The following WDR82 variants were observed in gnomAD, a reference collection of about 807,000 sequenced individuals.
WDR82 encodes the protein WD repeat domain 82, also known as WD repeat-containing protein 82.
Under a neutral mutation model 36.1 loss-of-function variants are expected in WDR82, and 8 were observed. The observed-to-expected ratio is 0.22, with a 90% confidence interval of 0.13 to 0.40. WDR82 has a LOEUF of 0.40. Ranked by LOEUF, WDR82 falls within the 10% of genes least tolerant of loss-of-function variation. The pLI is 1.00. For missense variants in WDR82, 185 were observed against 400.5 expected (o/e 0.46, Z 4.59); for synonymous variants, 129 against 137.8 (o/e 0.94, Z 0.45).
intron 2 of WDR82, chr3:52,267,398 A>G: frequency 4.9e-6 from 1 of 204,222 alleles, no homozygotes; most frequent in South Asian, 7.0e-5. Flanking sequence ...CAAACCTTAA[A>G]GAAAAATATG....
chr3:52,270,656 A>ATGAACTATTT, intron 2 of WDR82, 56 bp downstream of exon 2: 1 of 1,356,314 alleles, frequency 7.4e-7, no homozygotes, highest in Non-Finnish European at 1.0e-6. Flanking sequence ...CAAAGATTCC[A>ATGAACTATTT]TGAACTATTT....
Position 52,258,537 on chromosome 3 carries a change from A to C in WDR82, c.911T>G (p.Met304Arg). 4 of 1,613,644 alleles carry C rather than the reference A, an allele frequency of 2.5e-6. No homozygotes were observed. The highest frequency in any genetic ancestry group is 3.4e-6 in the Non-Finnish European group (4 of 1,179,894). The change falls in exon 8 of 9, where the codon ATG becomes AGG. Residue 304 changes from methionine to arginine, a missense_variant and splice_region_variant. Transcript: ENST00000296490. The part of the protein sequence containing the change: ...FMTFASACSN[M>R]AFWLPTIDD ...AGATACCTCTTACTGTTCACATACC[A>C]TGTTGGAACACGCACTGGCAAAAGT...
At chr3:52,276,449 C>CA (rs964677841) in intron 1 of WDR82, among the ~76,000 whole-genome samples, 9 of 150,412 alleles carry the variant, frequency 6.0e-5, no homozygotes, top group Non-Finnish European at 1.0e-4. Flanking sequence ...AAAAAAAAAA[C>CA]AAAAAAAAGA....
At chr3:52,276,207 G>A (rs899197234) in intron 1 of WDR82, among the ~76,000 whole-genome samples, 1 of 152,190 alleles carries the variant, frequency 6.6e-6, no homozygotes, top group Non-Finnish European at 1.5e-5. Context: ...GCCAAGGCGG[G>A]TGGATCACTT....
intron 3 of WDR82, among the ~76,000 whole-genome samples, chr3:52,261,976 A>G (rs575338523): frequency 2.6e-5 from 4 of 151,576 alleles, no homozygotes; most frequent in Admixed American, 1.3e-4. Context: ...TGCACTATTC[A>G]TAACAGCCAA....
chr3:52,260,664 A>G (rs966489228), intron 4 of WDR82, among the ~76,000 whole-genome samples, 163 bp from the exon 5 acceptor site: 12 of 152,210 alleles, frequency 7.9e-5, no homozygotes, highest in Admixed American at 3.3e-4. Flanking sequence ...ATACAAACAA[A>G]TATCAGCCTA....
Position 52,278,186 on chromosome 3 carries a change from C to G in WDR82, c.161+15G>C. On this transcript the variant is annotated intron_variant, in intron 1 of 8. Coordinates refer to ENST00000296490, the MANE Select transcript of WDR82 (RefSeq NM_025222.4). ...AGGCACTGAGACTCGGGCCCAGGGC[C>G]TCCGCCGCACTCACTTGCCCTCCTG... The G allele has an allele frequency of 6.3e-7, 1 of 1,584,970 alleles. No individual in the cohort carries two copies. Among genetic ancestry groups the G allele is most frequent in the Non-Finnish European group, 8.6e-7 (1 of 1,164,714 alleles).
intron 3 of WDR82, among the ~76,000 whole-genome samples, chr3:52,263,698 G>C (rs563484154): frequency 6.6e-6 from 1 of 152,338 alleles, no homozygotes; most frequent in African/African-American, 2.4e-5. Context: ...GGGAAAAAGA[G>C]TGAACTAACA....
At position 52,257,436 on chromosome 3, in the gene WDR82, G is replaced by A; in HGVS notation, c.*54C>T. The stretch of plus-strand genomic sequence containing the variant: ...CCACTATTATCTCAGTTCCCTCTGA[G>A]TTTCTTCCTGCTGGCCGCCCTCACT... On this transcript the variant is annotated 3_prime_UTR_variant, in exon 9 of 9. Transcript: ENST00000296490. 6.2e-7 allele frequency: 1 copy of A among 1,612,962 alleles called. No homozygotes were observed. Among genetic ancestry groups the A allele is most frequent in the South Asian group, 1.1e-5 (1 of 91,046 alleles).
chr3:52,266,896 T>C, intron 3 of WDR82, 56 bp downstream of exon 3: 1 of 1,473,388 alleles, frequency 6.8e-7, no homozygotes, highest in Non-Finnish European at 9.4e-7. Flanking sequence ...CCTTCTATTC[T>C]CTGGGTAACC....
chr3:52,278,577 G>T lies in WDR82; in HGVS notation c.-216C>A, dbSNP rs984142516. 3 of 415,300 alleles carry T rather than the reference G, an allele frequency of 7.2e-6. No individual in the cohort carries two copies. The highest frequency in any genetic ancestry group is 6.1e-5 in the African/African-American group (3 of 48,928). 25.7% of individuals were successfully genotyped at this position (415,300 alleles called of 1,614,324 possible). On this transcript the variant is annotated 5_prime_UTR_variant, in exon 1 of 9. The change creates a new upstream start codon in the 5' untranslated region. Transcript: ENST00000296490. ...GCCTCGCCGACCGTTCGTCCTCACA[G>T]CCACCTCACGGACAACCGGCGCGTC...
chr3:52,277,208 T>G (rs1700212586), intron 1 of WDR82, among the ~76,000 whole-genome samples: 1 of 151,898 alleles, frequency 6.6e-6, no homozygotes. Flanking sequence ...TAAAACGAAT[T>G]TAATCTAAAC....
At chr3:52,276,979 A>G (rs919589635) in intron 1 of WDR82, among the ~76,000 whole-genome samples, 13 of 151,432 alleles carry the variant, frequency 8.6e-5, no homozygotes, top group African/African-American at 3.2e-4. Context: ...AAATGAAGAG[A>G]TATGTTCCAA....
At position 52,258,681 on chromosome 3, in the gene WDR82, A is replaced by T. The variant is rs747540622; in HGVS notation, c.770-3T>A. ...ATGGATCTTGCCATCCTCTGAACCT[A>T]AAGAGGATATTCACGGAAAATGTAA... On this transcript the variant is annotated splice_region_variant and splice_polypyrimidine_tract_variant and intron_variant, in intron 7 of 8. Coordinates refer to ENST00000296490, the MANE Select transcript of WDR82 (RefSeq NM_025222.4). 6.8e-6 allele frequency: 11 copies of T among 1,614,168 alleles called. No homozygotes were observed. The highest frequency in any genetic ancestry group is 9.3e-6 in the Non-Finnish European group (11 of 1,180,020).
chr3:52,275,736 T>A (rs1043286990), intron 1 of WDR82, among the ~76,000 whole-genome samples: 1 of 152,036 alleles, frequency 6.6e-6, no homozygotes, highest in Non-Finnish European at 1.5e-5. Context: ...ATACAAAAAT[T>A]AGCCAGGCAT....
chr3:52,278,394 G>T lies in WDR82; in HGVS notation c.-33C>A. On this transcript the variant is annotated 5_prime_UTR_variant, in exon 1 of 9. Transcript: ENST00000296490. ...GCTGGGGAAGGCAGCGGCGGCGCAGGGCCGGGGCGGGGCCCGGCGGCGAGC... is the reference window on the plus strand; with the variant it reads ...GCTGGGGAAGGCAGCGGCGGCGCAGTGCCGGGGCGGGGCCCGGCGGCGAGC... The T allele has an allele frequency of 7.2e-7, 1 of 1,382,666 alleles. No individual in the cohort carries two copies. The allele number at this position is 1,382,666 out of a possible 1,614,324, so 85.6% of individuals were successfully genotyped here.
rs1426108654 is a variant in WDR82 at position 52,254,821 on chromosome 3, G to A, written c.*2669C>T. The A allele has an allele frequency of 6.6e-6, 1 of 152,238 alleles. No individual in the cohort carries two copies. Among genetic ancestry groups the A allele is most frequent in the East Asian group, 1.9e-4 (1 of 5,196 alleles). The allele number at this position is 152,238 out of a possible 1,614,324, so 9.4% of individuals were successfully genotyped here. A position where few individuals can be genotyped will look rare whatever the true frequency, so the allele number is the denominator to read the frequency against. On this transcript the variant is annotated 3_prime_UTR_variant, in exon 9 of 9. Coordinates refer to ENST00000296490, the MANE Select transcript of WDR82 (RefSeq NM_025222.4). ...CTGTAGCCCTGCTGAGCACGTCTGTGCAGCCCCAGCCCTCAGCATCTCTTC... is the reference window on the plus strand; with the variant it reads ...CTGTAGCCCTGCTGAGCACGTCTGTACAGCCCCAGCCCTCAGCATCTCTTC...
intron 8 of WDR82, among the ~76,000 whole-genome samples, chr3:52,257,904 G>A (rs1162333943): frequency 6.6e-6 from 1 of 151,908 alleles, no homozygotes; most frequent in Non-Finnish European, 1.5e-5. Flanking sequence ...GAACTGGATG[G>A]TTTTGCTGTA....
In WDR82 at chr3:52,257,269, G is replaced by A; in HGVS notation, c.*221C>T. ...TGGTGCAGTGACAGTTAGAAAAGCT[G>A]AGTTCCAATTGAGTCTGTTGCACCA... On this transcript the variant is annotated 3_prime_UTR_variant, in exon 9 of 9. Transcript: ENST00000296490. 1.6e-6 allele frequency: 1 copy of A among 609,958 alleles called. No homozygotes were observed. The highest frequency in any genetic ancestry group is 2.1e-5 in the South Asian group (1 of 48,764). The allele number at this position is 609,958 out of a possible 1,614,324, so 37.8% of individuals were successfully genotyped here.
Sources: gnomAD v4.1 joint callset for allele counts (sites outside exome capture counted in the v4.1 genomes callset) on GRCh38, gnomAD v4.1.1 for gene constraint, MANE v1.5 for transcripts, NCBI Gene and HGNC (gene_info 2026-07-23, HGNC 2026-07-21) for gene names.